The following CNTNAP2 variants were observed in gnomAD, a reference collection of about 807,000 sequenced individuals.
CNTNAP2 encodes the protein contactin associated protein 2, also known as contactin-associated protein-like 2.
A neutral mutation model predicts 155.2 loss-of-function variants in CNTNAP2; 98 were observed. The ratio of observed to expected loss-of-function variants is 0.63; its 90% CI spans 0.54 to 0.75. The LOEUF (loss-of-function observed/expected upper bound fraction) is 0.75, where lower values mean the gene tolerates loss of function less well. Ranked by LOEUF, CNTNAP2 falls within the 30% of genes least tolerant of loss-of-function variation. CNTNAP2 has a pLI of 0.00. For missense variants in CNTNAP2, 1,727 were observed against 1,688.1 expected, an observed-to-expected ratio of 1.02 and a Z score of -0.40; for synonymous variants, 651 against 631.2, an observed-to-expected ratio of 1.03 and a Z score of -0.47.
At chr7:147,816,967 T>C (rs1335935772) in intron 13 of CNTNAP2, among the ~76,000 whole-genome samples, 1 of 152,222 alleles carries the variant, frequency 6.6e-6, no homozygotes, top group Non-Finnish European at 1.5e-5. Flanking sequence ...GACTGCACCA[T>C]CTATGAAGCA....
At chr7:146,535,273 ATATAT>A (rs1217861375) in intron 1 of CNTNAP2, among the ~76,000 whole-genome samples, 3 of 57,274 alleles carry the variant, frequency 5.2e-5, no homozygotes, top group Non-Finnish European at 7.8e-5. Context: ...CATATATATT[ATATAT>A]TATATTATAT....
intron 3 of CNTNAP2, among the ~76,000 whole-genome samples, chr7:147,030,192 C>A (rs1394166675): frequency 6.6e-6 from 1 of 152,124 alleles, no homozygotes; most frequent in African/African-American, 2.4e-5. Flanking sequence ...GGCATTTTTC[C>A]ATGGGGCTAC....
At chr7:147,983,589 A>G (rs1801569960) in intron 15 of CNTNAP2, among the ~76,000 whole-genome samples, 1 of 152,262 alleles carries the variant, frequency 6.6e-6, no homozygotes, top group Admixed American at 6.5e-5. Flanking sequence ...TGGTTTTTAT[A>G]TGTTTTAGAA....
chr7:146,936,644 A>T (rs1796921037), intron 3 of CNTNAP2, among the ~76,000 whole-genome samples: 1 of 152,208 alleles, frequency 6.6e-6, no homozygotes, highest in African/African-American at 2.4e-5. Flanking sequence ...GGTAGACAAG[A>T]TTGAAAACCT....
chr7:146,415,988 T>C (rs1225972978), intron 1 of CNTNAP2, among the ~76,000 whole-genome samples: 1 of 152,032 alleles, frequency 6.6e-6, no homozygotes, highest in Admixed American at 6.6e-5. Flanking sequence ...TGTGATAGTT[T>C]ATAAATTAAA....
rs1257565495 is a variant in CNTNAP2 at position 147,478,840 on chromosome 7, G to T, written c.1671-7095G>T. On this transcript the variant is annotated intron_variant, in intron 10 of 23. Transcript: ENST00000361727. ...AATTCTATTGCTATAGAAGAGGACT[G>T]TAAATTTTGCATAACAATGTGCAAC... 5.3e-5 allele frequency among the ~76,000 whole-genome samples: 8 copies of T among 152,176 alleles called. No individual in the cohort carries two copies. The East Asian group carries it at 1.5e-3, about 29-fold the overall frequency.
At chr7:148,414,097 A>T (rs1799920803) in intron 23 of CNTNAP2, among the ~76,000 whole-genome samples, 1 of 50,364 alleles carries the variant, frequency 2.0e-5, no homozygotes, top group African/African-American at 1.0e-4. Flanking sequence ...TTTTAGACAG[A>T]GTCCCCCCCC....
At chr7:147,259,994 T>C (rs1022148712) in intron 8 of CNTNAP2, among the ~76,000 whole-genome samples, 1 of 152,166 alleles carries the variant, frequency 6.6e-6, no homozygotes, top group African/African-American at 2.4e-5. Context: ...AAAGGATAGA[T>C]TGGTCATTGG....
At chr7:147,903,388 T>C (rs1799907127) in intron 13 of CNTNAP2, among the ~76,000 whole-genome samples, 177 bp from the exon 14 acceptor site, 1 of 152,244 alleles carries the variant, frequency 6.6e-6, no homozygotes, top group Non-Finnish European at 1.5e-5. Flanking sequence ...GTCAGATAGA[T>C]AGACTGTGAA....
At position 146,876,954 on chromosome 7, in the gene CNTNAP2, T is replaced by G. The variant is rs374615211; in HGVS notation, c.402+37050T>G. ...TCATTTTATTTTCATATTTCACTAT[T>G]TAGGTTATTGGTATATTTGTAACTT... On this transcript the variant is annotated intron_variant, in intron 3 of 23. Transcript: ENST00000361727. 3.9e-5 allele frequency among the ~76,000 whole-genome samples: 6 copies of G among 152,278 alleles called. No homozygotes were observed. In the South Asian group the frequency reaches 1.2e-3, roughly 32 times the overall value.
intron 1 of CNTNAP2, among the ~76,000 whole-genome samples, chr7:146,226,802 G>A (rs1482896977): frequency 6.6e-6 from 1 of 152,132 alleles, no homozygotes; most frequent in African/African-American, 2.4e-5. Context: ...TAATCTAAAA[G>A]AGAAATGGTG....
At chr7:146,901,784 A>G (rs1796007134) in intron 3 of CNTNAP2, among the ~76,000 whole-genome samples, 1 of 150,030 alleles carries the variant, frequency 6.7e-6, no homozygotes. Flanking sequence ...TGTATTGTTT[A>G]TTCTTCTACT....
intron 1 of CNTNAP2, among the ~76,000 whole-genome samples, chr7:146,368,180 T>C (rs1034111920): frequency 1.1e-4 from 16 of 152,148 alleles, no homozygotes; most frequent in African/African-American, 3.6e-4. Flanking sequence ...TGATGACATA[T>C]CCCTCTTCAG....
intron 8 of CNTNAP2, among the ~76,000 whole-genome samples, chr7:147,270,972 G>C (rs1293885083): frequency 2.0e-5 from 3 of 152,118 alleles, no homozygotes; most frequent in African/African-American, 7.2e-5. Context: ...CCCCACCAGA[G>C]ACAAAACTAG....
chr7:146,807,990 A>T (rs1279570306), intron 2 of CNTNAP2, among the ~76,000 whole-genome samples: 1 of 152,114 alleles, frequency 6.6e-6, no homozygotes, highest in Non-Finnish European at 1.5e-5. Flanking sequence ...TTGTGTTTTT[A>T]ACTGTGGAGA....
chr7:148,047,459 A>T (rs560175641), intron 15 of CNTNAP2, among the ~76,000 whole-genome samples: 1 of 152,326 alleles, frequency 6.6e-6, no homozygotes, highest in African/African-American at 2.4e-5. Flanking sequence ...CATAAGGCAC[A>T]TCACAGCCTT....
At chr7:146,897,804 A>G (rs1004432496) in intron 3 of CNTNAP2, among the ~76,000 whole-genome samples, 1 of 152,094 alleles carries the variant, frequency 6.6e-6, no homozygotes, top group African/African-American at 2.4e-5. Context: ...TTTCAAGACT[A>G]TCAGAGATAT....
chr7:147,588,902 G>C (rs530085841), intron 12 of CNTNAP2, among the ~76,000 whole-genome samples: 1 of 152,262 alleles, frequency 6.6e-6, no homozygotes, highest in South Asian at 2.1e-4. Flanking sequence ...TAGGGACCAC[G>C]AAAAGAATGC....
intron 4 of CNTNAP2, among the ~76,000 whole-genome samples, chr7:147,104,873 C>CATATATAT (rs56674675): frequency 1.6e-4 from 16 of 101,430 alleles, no homozygotes; most frequent in East Asian, 3.5e-4. Flanking sequence ...CTTCCTCCCT[C>CATATATAT]ATATATATAT....
Sources: gnomAD v4.1 joint callset for allele counts (sites outside exome capture counted in the v4.1 genomes callset) on GRCh38, gnomAD v4.1.1 for gene constraint, MANE v1.5 for transcripts, NCBI Gene and HGNC (gene_info 2026-07-23, HGNC 2026-07-21) for gene names.